Variants in OSBPL10 observed in about 807,000 individuals in gnomAD.
OSBPL10 encodes the protein oxysterol-binding protein-related protein 10.
A neutral mutation model predicts 81.7 loss-of-function variants in OSBPL10; 49 were observed. The observed-to-expected ratio is 0.60, with a 90% CI of 0.48 to 0.76. The LOEUF (loss-of-function observed/expected upper bound fraction) is 0.76, where lower values mean the gene tolerates loss of function less well. Ranked by LOEUF, OSBPL10 falls within the 30% of genes least tolerant of loss-of-function variation. OSBPL10 has a pLI of 0.00. For synonymous variants in OSBPL10, 419 were observed against 383.6 expected (o/e 1.09, Z -1.08); for missense variants, 923 against 987.8 (o/e 0.93, Z 0.88).
intron 4 of OSBPL10, among the ~76,000 whole-genome samples, chr3:31,763,005 CGCTTG>C (rs1698098094): frequency 3.3e-5 from 5 of 152,088 alleles, no homozygotes; most frequent in African/African-American, 1.2e-4. Context: ...AGAAAGAAGA[CGCTTG>C]GGAGCAAGCT....
intron 4 of OSBPL10, among the ~76,000 whole-genome samples, chr3:31,756,806 A>G (rs1168253768): frequency 6.6e-6 from 1 of 152,252 alleles, no homozygotes; most frequent in Non-Finnish European, 1.5e-5. Context: ...GTCTTTTAAA[A>G]TAGGGGGAAA....
At chr3:31,956,585 G>A (rs1332329272) in intron 1 of OSBPL10, among the ~76,000 whole-genome samples, 1 of 152,064 alleles carries the variant, frequency 6.6e-6, no homozygotes, top group Non-Finnish European at 1.5e-5. Flanking sequence ...AAAATTAGCT[G>A]GGCTTGGTGG....
chr3:31,693,306 T>A (rs1695611628), intron 7 of OSBPL10, among the ~76,000 whole-genome samples: 1 of 152,212 alleles, frequency 6.6e-6, no homozygotes, highest in South Asian at 2.1e-4. Context: ...ATATTGTGAT[T>A]GATGCTAGAA....
At chr3:31,895,909 G>A (rs1575603892) in intron 1 of OSBPL10, among the ~76,000 whole-genome samples, 1 of 152,276 alleles carries the variant, frequency 6.6e-6, no homozygotes, top group East Asian at 1.9e-4. Context: ...CATATTAAAG[G>A]AAGGTGAAAT....
intron 1 of OSBPL10, among the ~76,000 whole-genome samples, chr3:32,060,866 G>A (rs544351921): frequency 2.3e-5 from 2 of 87,516 alleles, no homozygotes; most frequent in African/African-American, 5.8e-5. Context: ...TCAGCTACTC[G>A]GGAGGCTGAG....
chr3:31,667,261 G>T (rs892203933), intron 10 of OSBPL10, among the ~76,000 whole-genome samples: 1 of 152,200 alleles, frequency 6.6e-6, no homozygotes, highest in East Asian at 1.9e-4. Flanking sequence ...CCTTTCCCTT[G>T]TCCTGCTACT....
At position 31,905,359 on chromosome 3, in the gene OSBPL10, T is replaced by C. The variant is rs1194587483; in HGVS notation, c.282-25529A>G. 2.0e-5 allele frequency among the ~76,000 whole-genome samples: 3 copies of C among 146,674 alleles called. No homozygotes were observed. The East Asian group carries it at 6.2e-4, about 31-fold the overall frequency. ...GGAACCTGGTGATTTTTTTTTTTTT[T>C]TTTTTTTTTAGACGGACTCCCGTTC... is the stretch of plus-strand genomic sequence containing the variant. On this transcript the variant is annotated intron_variant, in intron 1 of 11. Coordinates refer to ENST00000396556, the MANE Select transcript of OSBPL10 (RefSeq NM_017784.5).
chr3:31,921,638 A>G (rs979378835), intron 1 of OSBPL10, among the ~76,000 whole-genome samples: 1 of 152,358 alleles, frequency 6.6e-6, no homozygotes, highest in South Asian at 2.1e-4. Flanking sequence ...AATGGAGAAG[A>G]GACAAATCTC....
At chr3:31,688,054 T>C (rs1161288476) in intron 7 of OSBPL10, among the ~76,000 whole-genome samples, 1 of 151,934 alleles carries the variant, frequency 6.6e-6, no homozygotes, top group Non-Finnish European at 1.5e-5. Flanking sequence ...GTATCATTAA[T>C]ATCATAAATG....
intron 4 of OSBPL10, among the ~76,000 whole-genome samples, chr3:31,819,859 T>C (rs1699938010): frequency 6.6e-6 from 1 of 152,230 alleles, no homozygotes; most frequent in Non-Finnish European, 1.5e-5. Context: ...ATCATCTGGA[T>C]GGGATAGATT....
At chr3:31,701,268 A>G (rs1036745679) in intron 7 of OSBPL10, among the ~76,000 whole-genome samples, 1 of 152,154 alleles carries the variant, frequency 6.6e-6, no homozygotes, top group African/African-American at 2.4e-5. Context: ...AACCAAGCCA[A>G]CTGCCCTTAG....
chr3:31,941,542 C>A (rs916649834), intron 1 of OSBPL10, among the ~76,000 whole-genome samples: 2 of 152,214 alleles, frequency 1.3e-5, no homozygotes, highest in African/African-American at 4.8e-5. Context: ...AGCATCAAGT[C>A]TAGACACCTC....
intron 1 of OSBPL10, among the ~76,000 whole-genome samples, chr3:32,075,220 TC>T: frequency 6.6e-6 from 1 of 152,326 alleles, no homozygotes; most frequent in African/African-American, 2.4e-5. Flanking sequence ...GCAGTTGTCC[TC>T]CAGAACCGCC....
chr3:32,017,558 G>C (rs751419363), intron 2 of OSBPL10, among the ~76,000 whole-genome samples: 1 of 152,084 alleles, frequency 6.6e-6, no homozygotes, highest in African/African-American at 2.4e-5. Context: ...GTCTGTTTGG[G>C]CCCAGGGTTC....
intron 1 of OSBPL10, among the ~76,000 whole-genome samples, chr3:31,905,723 A>G (rs1424320980): frequency 6.6e-6 from 1 of 151,886 alleles, no homozygotes; most frequent in Admixed American, 6.6e-5. Flanking sequence ...ATTAATAAAC[A>G]TCACTGAATT....
intron 1 of OSBPL10, among the ~76,000 whole-genome samples, chr3:31,923,758 G>A (rs1182379003): frequency 6.6e-6 from 1 of 152,182 alleles, no homozygotes; most frequent in Admixed American, 6.5e-5. Flanking sequence ...TTGCACTCCA[G>A]CCTCAATGAC....
intron 1 of OSBPL10, among the ~76,000 whole-genome samples, chr3:31,908,621 G>A (rs1054182938): frequency 3.9e-5 from 6 of 152,132 alleles, no homozygotes; most frequent in African/African-American, 1.4e-4. Context: ...TGAGGTTAAG[G>A]AAACTACTGG....
chr3:31,851,540 G>C (rs1297034788), intron 3 of OSBPL10, among the ~76,000 whole-genome samples: 1 of 152,224 alleles, frequency 6.6e-6, no homozygotes, highest in East Asian at 1.9e-4. Context: ...CCAGGGCCAA[G>C]GCTCTGCCAG....
At chr3:31,671,057 A>T in intron 8 of OSBPL10, 74 bp from the exon 9 acceptor site, 2 of 1,396,308 alleles carry the variant, frequency 1.4e-6, no homozygotes, top group Non-Finnish European at 1.9e-6. Flanking sequence ...AGAAATGAAG[A>T]TGGGAAACCA....
Sources: gnomAD v4.1 joint callset for allele counts (sites outside exome capture counted in the v4.1 genomes callset) on GRCh38, gnomAD v4.1.1 for gene constraint, MANE v1.5 for transcripts, NCBI Gene and HGNC (gene_info 2026-07-23, HGNC 2026-07-21) for gene names.